Variants in PPP4C observed in about 807,000 individuals in gnomAD.
PPP4C encodes the protein serine/threonine-protein phosphatase 4 catalytic subunit.
In PPP4C, 10 loss-of-function variants were observed where a neutral mutation model predicts 40.5. The ratio of observed to expected loss-of-function variants is 0.25; its 90% CI spans 0.15 to 0.42. PPP4C has a LOEUF of 0.42. Among genes scored for constraint, PPP4C ranks in the 10% least tolerant of loss-of-function variants. The pLI is 1.00. For missense variants in PPP4C, 191 were observed against 416.4 expected, an observed-to-expected ratio of 0.46 and a Z score of 4.71; for synonymous variants, 187 against 163.6, an observed-to-expected ratio of 1.14 and a Z score of -1.09.
chr16:30,083,355 C>A lies in PPP4C; in HGVS notation c.304-39C>A. The A allele has an allele frequency of 6.3e-7, 1 of 1,587,300 alleles. No individual in the cohort carries two copies. Among genetic ancestry groups the A allele is most frequent in the Non-Finnish European group, 8.6e-7 (1 of 1,166,832 alleles). On this transcript the variant is annotated intron_variant, in intron 5 of 8. Coordinates refer to ENST00000279387, the MANE Select transcript of PPP4C (RefSeq NM_002720.3). The surrounding 1 kb of genome is among the most constrained non-coding windows in gnomAD (Gnocchi z 6.3). The stretch of plus-strand genomic sequence containing the variant: ...GGTCAGAGAGGGATGTGTGGAGAGA[C>A]CGTCTAGGCGCCAGCCCTGGCTTGG...
At chr16:30,081,593 A>G (rs534680983) in intron 3 of PPP4C, 1 of 273,654 alleles carries the variant, frequency 3.7e-6, no homozygotes, top group East Asian at 7.5e-5. Context: ...AAATACAAAA[A>G]TTAGCCACGC....
At chr16:30,084,489 C>G (rs1273182648) in intron 7 of PPP4C, among the ~76,000 whole-genome samples, 177 bp from the exon 8 acceptor site, 1 of 152,220 alleles carries the variant, frequency 6.6e-6, no homozygotes, top group African/African-American at 2.4e-5. Context: ...CTTATCTGCC[C>G]CTACATTTGC....
chr16:30,080,950 C>T (rs8046460), intron 2 of PPP4C, among the ~76,000 whole-genome samples: 2,425 of 152,292 alleles, frequency 0.016, 67 homozygotes, highest in African/African-American at 0.055. Flanking sequence ...ACCCGCCTCC[C>T]AGGAGTGAGT....
At chr16:30,080,550 A>G (rs2072485728) in intron 2 of PPP4C, among the ~76,000 whole-genome samples, 1 of 128,506 alleles carries the variant, frequency 7.8e-6, no homozygotes, top group African/African-American at 3.1e-5. Context: ...TCTGTCGCCC[A>G]GGCTGGAGTG....
chr16:30,085,041 C>G lies in PPP4C; in HGVS notation c.903C>G (p.Pro301=). ...CACGGGGCATCCCCTCCAAGAAGCC[C>G]GTGGCCGACTACTTCCTGTGACCCC... The part of the protein sequence containing the change: ...QETRGIPSKK[P]VADYFL The change falls in exon 9 of 9, where the codon CCC becomes CCG. Residue 301 remains proline (P), a synonymous_variant. Coordinates refer to ENST00000279387, the MANE Select transcript of PPP4C (RefSeq NM_002720.3). The G allele has an allele frequency of 3.7e-6, 6 of 1,614,042 alleles. No individual in the cohort carries two copies. The highest frequency in any genetic ancestry group is 5.1e-6 in the Non-Finnish European group (6 of 1,180,026).
At position 30,084,668 on chromosome 16, in the gene PPP4C, A is replaced by G. The variant is rs1461637675; in HGVS notation, c.607A>G (p.Thr203Ala). 1 of 1,613,964 alleles carries G rather than the reference A, an allele frequency of 6.2e-7. No individual in the cohort carries two copies. The highest frequency in any genetic ancestry group is 1.3e-5 in the African/African-American group (1 of 75,046). The change falls in exon 8 of 9, where the codon ACC becomes GCC. Residue 203 changes from threonine to alanine, a missense_variant and splice_region_variant. Physicochemically the swap from Thr to Ala is moderately conservative, Grantham distance 58 (BLOSUM62 0). Around this residue, in one of 3 missense-constraint regions of PPP4C, gnomAD observed 171 missense variants for 352.4 expected, o/e 0.49. Transcript: ENST00000279387. Reference sequence around the variant, plus strand: ...CCATCCCTCCCTTTCCGCATCAGACACCACAGGCTGGGGCGTGAGCCCCCG... The same window carrying G: ...CCATCCCTCCCTTTCCGCATCAGACGCCACAGGCTGGGGCGTGAGCCCCCG... ...CDLLWSDPED[T>A]TGWGVSPRGA...
At chr16:30,084,627 C>T in intron 7 of PPP4C, 39 bp from the exon 8 acceptor site, 1 of 1,594,288 alleles carries the variant, frequency 6.3e-7, no homozygotes, top group Non-Finnish European at 8.6e-7. Context: ...CCAGAGAAGC[C>T]TGAGGACATC....
At chr16:30,084,522 C>A in intron 7 of PPP4C, 144 bp from the exon 8 acceptor site, 1 of 737,198 alleles carries the variant, frequency 1.4e-6, no homozygotes. Context: ...CGCCATCCCA[C>A]AGACCATATT....
rs369023234 is a variant in PPP4C at position 30,084,885 on chromosome 16, C to T, written c.794+30C>T. ...GCCGGCTGGGCCGGGCTGGGATGGG[C>T]GGGCATCTGAGCCGAGCTGCTCCTG... On this transcript the variant is annotated intron_variant, in intron 8 of 8. Transcript: ENST00000279387. 157 of 1,613,618 alleles carry T rather than the reference C, an allele frequency of 9.7e-5. No individual in the cohort carries two copies. The South Asian group carries it at 1.5e-3, about 16-fold the overall frequency.
intron 2 of PPP4C, among the ~76,000 whole-genome samples, chr16:30,078,960 C>G (rs1389281402): frequency 6.6e-6 from 1 of 152,134 alleles, no homozygotes. Flanking sequence ...GGGCTGGAAT[C>G]TGGGCCTGAT....
rs1323209866 is a variant in PPP4C, at chr16:30,085,336, G to GA, written c.*282dup. The GA allele has an allele frequency of 6.5e-5, 21 of 322,624 alleles. No individual in the cohort carries two copies. Among genetic ancestry groups the GA allele is most frequent in the East Asian group, 1.1e-4 (2 of 18,970 alleles). The allele number at this position is 322,624 out of a possible 1,614,324, so 20.0% of individuals were successfully genotyped here. The stretch of plus-strand genomic sequence containing the variant: ...GTTTGTTTTTAGATAAAAATTTTGA[G>GA]AAAAAAAATGAAAAAATTCTAATAA... On this transcript the variant is annotated 3_prime_UTR_variant, in exon 9 of 9. Transcript: ENST00000279387.
chr16:30,078,764 G>A (rs926615195), intron 2 of PPP4C, among the ~76,000 whole-genome samples: 1 of 152,268 alleles, frequency 6.6e-6, no homozygotes, highest in South Asian at 2.1e-4. Flanking sequence ...GTGGTCTTCA[G>A]TATGAATCTT....
Position 30,076,304 on chromosome 16 carries a change from G to A in PPP4C, c.-63-11G>A, listed in dbSNP as rs1434518844. 5 of 1,488,382 alleles carry A rather than the reference G, an allele frequency of 3.4e-6. No individual in the cohort carries two copies. In the African/African-American group the frequency reaches 6.9e-5, roughly 21 times the overall value. The allele number at this position is 1,488,382 out of a possible 1,614,324, so 92.2% of individuals were successfully genotyped here. A position where few individuals can be genotyped will look rare whatever the true frequency, so the allele number is the denominator to read the frequency against. ...GACACTGATCCGCGGGCTCGTCTTG[G>A]CCTTTCCCAGGAGACCCCTGTGCGG... On this transcript the variant is annotated splice_polypyrimidine_tract_variant and intron_variant, in intron 1 of 8. Transcript: ENST00000279387.
At position 30,081,191 on chromosome 16, in the gene PPP4C, C is replaced by A. The variant is rs765767311; in HGVS notation, c.99-68C>A. On this transcript the variant is annotated intron_variant, in intron 2 of 8. Coordinates refer to ENST00000279387, the MANE Select transcript of PPP4C (RefSeq NM_002720.3). ...GACTGCCTCATATCCTCCCCTCCCC[C>A]CAAAAAAGGTCAGGAATTGGGCTGG... is the stretch of plus-strand genomic sequence containing the variant. 4.2e-5 allele frequency: 67 copies of A among 1,608,660 alleles called. 1 individual carries two copies. In the Middle Eastern group the frequency reaches 6.8e-4, roughly 16 times the overall value.
intron 2 of PPP4C, among the ~76,000 whole-genome samples, chr16:30,078,604 T>A (rs2072447609): frequency 6.6e-6 from 1 of 152,188 alleles, no homozygotes; most frequent in South Asian, 2.1e-4. Context: ...AGACCCAGGC[T>A]GAGGCTGGTG....
intron 2 of PPP4C, 109 bp downstream of exon 2, chr16:30,076,584 C>T (rs1596825607): frequency 3.5e-5 from 39 of 1,115,660 alleles, no homozygotes; most frequent in Non-Finnish European, 5.0e-5. Context: ...GAAGCTTTCC[C>T]AGAGAGGAGC....
intron 2 of PPP4C, 136 bp downstream of exon 2, chr16:30,076,611 C>G: frequency 1.2e-6 from 1 of 840,120 alleles, no homozygotes; most frequent in South Asian, 1.6e-5. Context: ...GAGCCGCTGC[C>G]CTCGAGGAAA....
intron 1 of PPP4C, 68 bp from the exon 2 acceptor site, chr16:30,076,247 A>G: frequency 2.2e-6 from 2 of 912,868 alleles, no homozygotes; most frequent in East Asian, 2.7e-5. Flanking sequence ...GGCCGGCTCT[A>G]GAATCGAGTT....
Position 30,082,464 on chromosome 16 carries a change from C to G in PPP4C, c.151-20C>G. On this transcript the variant is annotated intron_variant, in intron 3 of 8. Transcript: ENST00000279387. ...AACTCCCACTGCTTGAGTTCCAACC[C>G]CACTCTTCCTGTTCCCCAGGTGTGC... The G allele has an allele frequency of 1.2e-6, 2 of 1,612,036 alleles. No individual in the cohort carries two copies. The highest frequency in any genetic ancestry group is 1.7e-6 in the Non-Finnish European group (2 of 1,178,180).
Sources: gnomAD v4.1 joint callset for allele counts (sites outside exome capture counted in the v4.1 genomes callset) on GRCh38, gnomAD v4.1.1 for gene constraint, gnomAD v4.1.1 regional missense constraint, Gnocchi (gnomAD v3.1) non-coding constraint, MANE v1.5 for transcripts, NCBI Gene and HGNC (gene_info 2026-07-23, HGNC 2026-07-21) for gene names.